The following ABCG1 variants were observed in gnomAD, a reference collection of about 807,000 sequenced individuals.
The protein encoded by ABCG1 is ATP binding cassette subfamily G member 1, also known as ATP-binding cassette sub-family G member 1.
ABCG1 carries 29 observed loss-of-function variants against 69.2 expected under a neutral mutation model. The ratio of observed to expected loss-of-function variants is 0.42; its 90% CI spans 0.31 to 0.57. The LOEUF is 0.57. ABCG1 is among the 20% of genes least tolerant of loss of function. The pLI is 0.15. For synonymous variants in ABCG1, 370 were observed against 374.8 expected (o/e 0.99, Z 0.15); for missense variants, 718 against 898.1 (o/e 0.80, Z 2.56).
At chr21:42,244,269 C>T (rs1332993932) in intron 2 of ABCG1, among the ~76,000 whole-genome samples, 1 of 152,126 alleles carries the variant, frequency 6.6e-6, no homozygotes, top group East Asian at 1.9e-4. Context: ...CACAGGGATT[C>T]AGGAGGGCAT....
chr21:42,246,631 A>G (rs1248602505), intron 2 of ABCG1, among the ~76,000 whole-genome samples: 2 of 152,240 alleles, frequency 1.3e-5, no homozygotes, highest in African/African-American at 4.8e-5. Context: ...TGATGCTTCT[A>G]TACATAAAGA....
At chr21:42,231,224 A>T (rs1601361592) in intron 2 of ABCG1, among the ~76,000 whole-genome samples, 2 of 152,308 alleles carry the variant, frequency 1.3e-5, no homozygotes, top group East Asian at 3.9e-4. Context: ...GATTCTCAGA[A>T]ATCAAATTTA....
At position 42,234,030 on chromosome 21, in the gene ABCG1, T is replaced by G. The variant is rs376575742; in HGVS notation, c.286+8116T>G. Among the ~76,000 whole-genome samples, 211 of 152,284 alleles carry G rather than the reference T, an allele frequency of 1.4e-3. 1 individual carries two copies. Among genetic ancestry groups the G allele is most frequent in the African/African-American group, 3.8e-3 (157 of 41,516 alleles). On this transcript the variant is annotated intron_variant, in intron 2 of 14. Transcript: ENST00000398449. ...CACTGTTTTGGGAGAAGTGTTTTTT[T>G]TTGTTGTTGTTGTTTTAATTAAAAA...
At chr21:42,255,962 G>A (rs1375442164) in intron 2 of ABCG1, 7 of 298,760 alleles carry the variant, frequency 2.3e-5, no homozygotes, top group Admixed American at 2.0e-4. Flanking sequence ...TGTTTTCTAG[G>A]ACATCTCTTT....
At chr21:42,242,493 C>CCA (rs1216360778) in intron 2 of ABCG1, among the ~76,000 whole-genome samples, 2 of 152,124 alleles carry the variant, frequency 1.3e-5, no homozygotes, top group Admixed American at 1.3e-4. Flanking sequence ...ACAGCAGAGA[C>CCA]CCTGTCCCTA....
At chr21:42,218,030 C>A (rs1005219518), upstream of ABCG1, among the ~76,000 whole-genome samples, 1 of 152,090 alleles carries the variant, frequency 6.6e-6, no homozygotes, top group Admixed American at 6.5e-5. Context: ...AACTCATAAC[C>A]GTGTCTCCTT....
intron 2 of ABCG1, among the ~76,000 whole-genome samples, chr21:42,246,724 A>G (rs933311365): frequency 3.3e-5 from 5 of 152,340 alleles, no homozygotes; most frequent in Admixed American, 6.5e-5. Flanking sequence ...CACGCTCCAC[A>G]TTTCATAGAT....
In ABCG1 at chr21:42,296,573, C is replaced by T. The variant is rs1334474508; in HGVS notation, c.*181C>T. The T allele has an allele frequency of 1.7e-6, 1 of 598,882 alleles. No individual in the cohort carries two copies. The highest frequency in any genetic ancestry group is 3.0e-6 in the Non-Finnish European group (1 of 335,308). 37.1% of individuals were successfully genotyped at this position (598,882 alleles called of 1,614,324 possible). A position where few individuals can be genotyped will look rare whatever the true frequency, so the allele number is the denominator to read the frequency against. On this transcript the variant is annotated 3_prime_UTR_variant, in exon 15 of 15. Transcript: ENST00000398449. The surrounding 1 kb of genome is among the most constrained non-coding windows in gnomAD (Gnocchi z 5.4). ...ACTCTGCCCAGCTGGGTTGGATCTT[C>T]TCTCCATTCCCCTTTCTAGCTTTAA...
chr21:42,269,560 C>T (rs1423114444), intron 2 of ABCG1, among the ~76,000 whole-genome samples: 1 of 152,226 alleles, frequency 6.6e-6, no homozygotes, highest in Non-Finnish European at 1.5e-5. Flanking sequence ...CCCCTACCCC[C>T]GCTGGGATGA....
chr21:42,222,180 G>C (rs1320351855), intron 1 of ABCG1, among the ~76,000 whole-genome samples: 1 of 152,190 alleles, frequency 6.6e-6, no homozygotes, highest in African/African-American at 2.4e-5. Context: ...GAGAGAAGAT[G>C]CATGTGTTTT....
At chr21:42,253,046 A>G (rs959963339) in intron 2 of ABCG1, among the ~76,000 whole-genome samples, 5 of 152,154 alleles carry the variant, frequency 3.3e-5, no homozygotes, top group Non-Finnish European at 4.4e-5. Context: ...CCGCATTAGC[A>G]CACAGGGAGG....
chr21:42,292,107 G>A (rs918318943), intron 13 of ABCG1, among the ~76,000 whole-genome samples: 2 of 151,620 alleles, frequency 1.3e-5, no homozygotes, highest in Non-Finnish European at 2.9e-5. Context: ...TCCTCCCATC[G>A]CCCACCCTGC....
intron 13 of ABCG1, among the ~76,000 whole-genome samples, chr21:42,292,389 A>G (rs1434567026): frequency 2.0e-5 from 3 of 152,042 alleles, no homozygotes; most frequent in African/African-American, 7.3e-5. Flanking sequence ...GGGACCAAAG[A>G]TGACACTGCA....
In ABCG1 at chr21:42,256,684, A is replaced by C. The variant is rs2068311435; in HGVS notation, c.287-14386A>C. ...CCCTTTCTGCTCCTCCCAGAGACTG[A>C]TGGCTTCTCTGCATTCAGAGGGATC... On this transcript the variant is annotated intron_variant, in intron 2 of 14. Transcript: ENST00000398449. 6.2e-6 allele frequency: 9 copies of C among 1,440,222 alleles called. No homozygotes were observed. In the South Asian group the frequency reaches 1.3e-4, roughly 21 times the overall value. 89.2% of individuals were successfully genotyped at this position (1,440,222 alleles called of 1,614,324 possible).
chr21:42,199,793 T>A (rs765065623), exon 1 of ABCG1: 4 of 152,214 alleles, frequency 2.6e-5, no homozygotes, highest in Non-Finnish European at 5.9e-5. Flanking sequence ...CTTTATTAAT[T>A]GCAAAATAAA....
At position 42,288,583 on chromosome 21, in the gene ABCG1, T is replaced by A. The variant is rs1341926010; in HGVS notation, c.1224+271T>A. Reference sequence around the variant, plus strand: ...TTAGCCAGGCCTGGTAGTGCATGCCTGTAATCCCAGCTACTCAGGAGGCTG... The same window carrying A: ...TTAGCCAGGCCTGGTAGTGCATGCCAGTAATCCCAGCTACTCAGGAGGCTG... On this transcript the variant is annotated intron_variant, in intron 10 of 14. Transcript: ENST00000398449. The surrounding 1 kb of genome is among the most constrained non-coding windows in gnomAD (Gnocchi z 4.8). 2.0e-5 allele frequency among the ~76,000 whole-genome samples: 3 copies of A among 152,134 alleles called. No individual in the cohort carries two copies. Among genetic ancestry groups the A allele is most frequent in the African/African-American group, 7.2e-5 (3 of 41,420 alleles).
At position 42,256,637 on chromosome 21, in the gene ABCG1, G is replaced by A. The variant is rs928208798; in HGVS notation, c.287-14433G>A. On this transcript the variant is annotated intron_variant, in intron 2 of 14. Coordinates refer to ENST00000398449, the MANE Select transcript of ABCG1 (RefSeq NM_016818.3). ...CACAGGTCAGCTCTCAGAGTGCTGG[G>A]GACAGGGTTCCCACCAGGCAGCCCT... is the stretch of plus-strand genomic sequence containing the variant. 1.4e-5 allele frequency: 21 copies of A among 1,482,214 alleles called. No homozygotes were observed. The African/African-American group carries it at 2.9e-4, about 21-fold the overall frequency. 91.8% of individuals were successfully genotyped at this position (1,482,214 alleles called of 1,614,324 possible).
Position 42,223,801 on chromosome 21 carries a change from G to T in ABCG1, c.43-1870G>T, listed in dbSNP as rs1418203854. On this transcript the variant is annotated intron_variant, in intron 1 of 14. Coordinates refer to ENST00000398449, the MANE Select transcript of ABCG1 (RefSeq NM_016818.3). The stretch of plus-strand genomic sequence containing the variant: ...CTAGCAGAGAAAGTCAGGGTCTCAT[G>T]ATAATGTAGATGGGTGGTGTGGTGG... 2.6e-5 allele frequency among the ~76,000 whole-genome samples: 4 copies of T among 152,216 alleles called. No homozygotes were observed. In the East Asian group the frequency reaches 7.7e-4, roughly 29 times the overall value.
In ABCG1 at chr21:42,296,157, C is replaced by T. The variant is rs1363883654; in HGVS notation, c.1773-7C>T. The T allele has an allele frequency of 1.2e-6, 2 of 1,612,408 alleles. No individual in the cohort carries two copies. Among genetic ancestry groups the T allele is most frequent in the Admixed American group, 1.7e-5 (1 of 59,996 alleles). On this transcript the variant is annotated splice_region_variant and splice_polypyrimidine_tract_variant and intron_variant, in intron 14 of 14. Transcript: ENST00000398449. The surrounding 1 kb of genome is among the most constrained non-coding windows in gnomAD (Gnocchi z 5.4). ...CGTCCTCCCTCATGCCTGGCCTTTC[C>T]TCCTAGGTATGGGTTCGAAGGGGTC...
Sources: gnomAD v4.1 joint callset for allele counts (sites outside exome capture counted in the v4.1 genomes callset) on GRCh38, gnomAD v4.1.1 for gene constraint, Gnocchi (gnomAD v3.1) non-coding constraint, MANE v1.5 for transcripts, NCBI Gene and HGNC (gene_info 2026-07-23, HGNC 2026-07-21) for gene names.